Variants in STARD3 observed in about 807,000 individuals in gnomAD.
The protein encoded by STARD3 is StAR related lipid transfer domain containing 3, also known as stAR-related lipid transfer protein 3.
In STARD3, 39 loss-of-function variants were observed where a neutral mutation model predicts 62.0. That is an observed-to-expected ratio of 0.63 (90% confidence interval 0.49 to 0.82). The LOEUF (loss-of-function observed/expected upper bound fraction) is 0.82, where lower values mean the gene tolerates loss of function less well. Among genes scored for constraint, STARD3 ranks in the 40% least tolerant of loss-of-function variants. The pLI, the probability that STARD3 is intolerant of heterozygous loss-of-function variation, is 0.00. For synonymous variants in STARD3, 229 were observed against 242.4 expected (o/e 0.94, Z 0.51); for missense variants, 543 against 584.5 (o/e 0.93, Z 0.73).
chr17:39,657,620 A>G (rs978486210), intron 3 of STARD3, among the ~76,000 whole-genome samples, 155 bp from the exon 4 acceptor site: 2 of 152,076 alleles, frequency 1.3e-5, no homozygotes, highest in African/African-American at 4.8e-5. Flanking sequence ...GTTACATCCA[A>G]ATTGTCCCAG....
chr17:39,642,188 T>C (rs1049461510), intron 1 of STARD3, among the ~76,000 whole-genome samples: 1 of 152,204 alleles, frequency 6.6e-6, no homozygotes, highest in Non-Finnish European at 1.5e-5. Flanking sequence ...TTGACCCCCA[T>C]AGCAAAAAAT....
chr17:39,645,280 G>A (rs533517945), intron 1 of STARD3, among the ~76,000 whole-genome samples: 3 of 152,292 alleles, frequency 2.0e-5, no homozygotes, highest in Non-Finnish European at 4.4e-5. Flanking sequence ...GCCTGCAGCT[G>A]GATAACCTGG....
At chr17:39,661,175 T>C (rs2057193962) in intron 13 of STARD3, 90 bp downstream of exon 13, 1 of 1,187,602 alleles carries the variant, frequency 8.4e-7, no homozygotes, top group Non-Finnish European at 1.2e-6. Flanking sequence ...AGCTGGGCAC[T>C]TCCCCTGCTG....
At position 39,646,587 on chromosome 17, in the gene STARD3, G is replaced by C. The variant is rs572747781; in HGVS notation, c.-51-6894G>C. Among the ~76,000 whole-genome samples, 23 of 152,280 alleles carry C rather than the reference G, an allele frequency of 1.5e-4. No individual in the cohort carries two copies. In the East Asian group the frequency reaches 4.2e-3, roughly 28 times the overall value. Reference sequence around the variant, plus strand: ...CTGTTTTAATGCAGCTGAGGAAACTGAGTCTCAGAAGGGTTATGCTTTGCC... The same window carrying C: ...CTGTTTTAATGCAGCTGAGGAAACTCAGTCTCAGAAGGGTTATGCTTTGCC... On this transcript the variant is annotated intron_variant, in intron 1 of 14. Coordinates refer to ENST00000336308, the MANE Select transcript of STARD3 (RefSeq NM_006804.4).
chr17:39,661,158 C>A (rs2145044996), intron 13 of STARD3, 73 bp downstream of exon 13: 1 of 1,395,194 alleles, frequency 7.2e-7, no homozygotes, highest in Non-Finnish European at 1.0e-6. Flanking sequence ...CAGGGTACAG[C>A]ATGTACAGCT....
At position 39,637,159 on chromosome 17, in the gene STARD3, GGC is replaced by G. The variant is rs2056936134; in HGVS notation, c.-121_-120del. On this transcript the variant is annotated 5_prime_UTR_variant, in exon 1 of 15. Transcript: ENST00000336308. ...GCCGGAAGATCTTCTTCCGCTCTGA[GGC>G]GCTACTGAGGCCGCGGAGCCGGACT... The G allele has an allele frequency of 6.6e-6, 1 of 152,276 alleles. No homozygotes were observed. The allele number at this position is 152,276 out of a possible 1,614,324, so 9.4% of individuals were successfully genotyped here. A position where few individuals can be genotyped will look rare whatever the true frequency, so the allele number is the denominator to read the frequency against.
intron 1 of STARD3, among the ~76,000 whole-genome samples, chr17:39,644,063 G>T (rs979391431): frequency 2.0e-5 from 3 of 152,204 alleles, no homozygotes; most frequent in Admixed American, 6.5e-5. Context: ...GACCCCTTGG[G>T]AAGCCCCCAT....
At chr17:39,657,935 C>T in intron 4 of STARD3, 38 bp from the exon 5 acceptor site, 3 of 1,608,322 alleles carry the variant, frequency 1.9e-6, no homozygotes, top group Non-Finnish European at 2.5e-6. Context: ...CACTTCCCAG[C>T]CTCTGCCTTC....
At chr17:39,650,984 A>AG (rs796213490) in intron 1 of STARD3, among the ~76,000 whole-genome samples, 42 of 152,286 alleles carry the variant, frequency 2.8e-4, no homozygotes, top group African/African-American at 1.0e-3. Context: ...TGTCACCATG[A>AG]GGGATGCACT....
intron 2 of STARD3, among the ~76,000 whole-genome samples, chr17:39,656,192 G>A (rs1191917147): frequency 6.6e-6 from 1 of 152,184 alleles, no homozygotes; most frequent in African/African-American, 2.4e-5. Context: ...GCTGGAGAGC[G>A]GAAGCCCCAG....
intron 3 of STARD3, 35 bp from the exon 4 acceptor site, chr17:39,657,740 C>T: frequency 6.2e-7 from 1 of 1,613,404 alleles, no homozygotes; most frequent in Non-Finnish European, 8.5e-7. Flanking sequence ...GGGGCAGTAG[C>T]TTCCTGTGAC....
At chr17:39,641,281 A>C (rs1321606621) in intron 1 of STARD3, among the ~76,000 whole-genome samples, 2 of 151,848 alleles carry the variant, frequency 1.3e-5, no homozygotes, top group African/African-American at 4.8e-5. Flanking sequence ...TCAAGGGCTT[A>C]GGACAGATGG....
chr17:39,659,371 C>T, intron 8 of STARD3, 90 bp from the exon 9 acceptor site: 2 of 1,311,904 alleles, frequency 1.5e-6, no homozygotes, highest in Non-Finnish European at 1.1e-6. Flanking sequence ...CTCTGGGAAG[C>T]ATGTGGTATG....
At chr17:39,638,709 TTGA>T (rs1188764787) in intron 1 of STARD3, among the ~76,000 whole-genome samples, 1 of 152,226 alleles carries the variant, frequency 6.6e-6, no homozygotes, top group Non-Finnish European at 1.5e-5. Context: ...TTTGGTAACC[TTGA>T]TGAAGTCAGT....
Position 39,660,090 on chromosome 17 carries a change from A to G in STARD3, c.796-121A>G, listed in dbSNP as rs1051481430. The G allele has an allele frequency of 5.3e-5, 51 of 966,868 alleles. No individual in the cohort carries two copies. In the Middle Eastern group the frequency reaches 6.4e-4, roughly 12 times the overall value. 59.9% of individuals were successfully genotyped at this position (966,868 alleles called of 1,614,324 possible). A position where few individuals can be genotyped will look rare whatever the true frequency, so the allele number is the denominator to read the frequency against. On this transcript the variant is annotated intron_variant, in intron 9 of 14. Transcript: ENST00000336308. The surrounding 1 kb of genome is among the most constrained non-coding windows in gnomAD (Gnocchi z 4.8). ...TGTAACAGCTGCTCAGGTGTCCCCA[A>G]ACTCCTGGAGTTTTCCACCCTGAGC...
Position 39,657,070 on chromosome 17 carries a change from CT to C in STARD3, c.284del (p.Phe95SerfsTer17). The C allele has an allele frequency of 6.2e-7, 1 of 1,614,144 alleles. No individual in the cohort carries two copies. Among genetic ancestry groups the C allele is most frequent in the Non-Finnish European group, 8.5e-7 (1 of 1,180,020 alleles). ...TCATCCAGTACAACTTTAAAACTTC[CT>C]TCTTCGACATCTTTGTGAGTGGCCT... ...EIIQYNFKTS[F>X]FDIFVLAFFR... On this transcript the variant is annotated frameshift_variant, in exon 3 of 15. Coordinates refer to ENST00000336308, the MANE Select transcript of STARD3 (RefSeq NM_006804.4). LOFTEE classifies it high-confidence loss of function.
chr17:39,660,604 C>A lies in STARD3; in HGVS notation c.954+78C>A. On this transcript the variant is annotated intron_variant, in intron 11 of 14. Coordinates refer to ENST00000336308, the MANE Select transcript of STARD3 (RefSeq NM_006804.4). This position sits in a 1 kb window ranked among gnomAD's most constrained non-coding sequence, Gnocchi z 4.8. ...TCAGTGGGATCACTGAAGCACTCAG[C>A]GCCTCAGCTGCCCCATCTGTACAGT... The A allele has an allele frequency of 6.6e-7, 1 of 1,505,226 alleles. No homozygotes were observed. The highest frequency in any genetic ancestry group is 9.2e-7 in the Non-Finnish European group (1 of 1,084,924). The allele number at this position is 1,505,226 out of a possible 1,614,324, so 93.2% of individuals were successfully genotyped here.
intron 6 of STARD3, 80 bp downstream of exon 6, chr17:39,658,602 T>A (rs2057158205): frequency 1.3e-6 from 2 of 1,566,190 alleles, no homozygotes; most frequent in African/African-American, 2.7e-5. Context: ...TGAGAGTCAG[T>A]CTGAAGCATC....
chr17:39,653,937 T>C (rs1162136588), intron 2 of STARD3, among the ~76,000 whole-genome samples, 187 bp downstream of exon 2: 1 of 152,190 alleles, frequency 6.6e-6, no homozygotes, highest in Non-Finnish European at 1.5e-5. Flanking sequence ...GGAGGGGTTG[T>C]GTCATTTGGC....
Sources: allele counts gnomAD v4.1 joint callset (sites outside exome capture counted in the v4.1 genomes callset), GRCh38; gene constraint gnomAD v4.1.1; non-coding constraint Gnocchi (gnomAD v3.1); transcripts MANE v1.5; gene names NCBI Gene and HGNC (gene_info 2026-07-23, HGNC 2026-07-21).